NFXL1: variants seen among roughly 807,000 people sequenced by gnomAD.
The protein encoded by NFXL1 is NF-X1-type zinc finger protein NFXL1.
In NFXL1, 66 loss-of-function variants were observed where a neutral mutation model predicts 123.3. The ratio of observed to expected loss-of-function variants is 0.54; its 90% CI spans 0.44 to 0.66. The LOEUF (loss-of-function observed/expected upper bound fraction) is 0.66, where lower values mean the gene tolerates loss of function less well. Ranked by LOEUF, NFXL1 falls within the 30% of genes least tolerant of loss-of-function variation. The probability of loss-of-function intolerance (pLI) is 0.00; values close to 1 mark genes in which losing one functional copy is unlikely to be tolerated. For missense variants in NFXL1, 944 were observed against 1,125.6 expected (o/e 0.84, Z 2.31); for synonymous variants, 346 against 360.8 (o/e 0.96, Z 0.46).
At chr4:47,898,708 G>C (rs201707795) in intron 8 of NFXL1, 49 bp downstream of exon 8, 86 of 1,233,152 alleles carry the variant, frequency 7.0e-5, no homozygotes, top group Admixed American at 3.5e-4. Context: ...GGTTGTCTAT[G>C]CTTTCTGTAC....
intron 15 of NFXL1, among the ~76,000 whole-genome samples, chr4:47,882,584 G>A (rs1386560172): frequency 6.6e-6 from 1 of 152,200 alleles, no homozygotes; most frequent in Admixed American, 6.5e-5. Context: ...AAATGTTAAT[G>A]CGCTTTTTCT....
intron 4 of NFXL1, 36 bp downstream of exon 4, chr4:47,905,201 G>T: frequency 1.2e-6 from 1 of 825,838 alleles, no homozygotes; most frequent in Non-Finnish European, 2.0e-6. Context: ...GGTATTTTGG[G>T]GAGATACATT....
At chr4:47,868,267 C>G (rs1431277188) in intron 18 of NFXL1, among the ~76,000 whole-genome samples, 1 of 149,780 alleles carries the variant, frequency 6.7e-6, no homozygotes, top group Non-Finnish European at 1.5e-5. Flanking sequence ...TGCAGTGAGC[C>G]GAGATCGCAC....
At chr4:47,872,059 A>AT (rs1735471464) in intron 18 of NFXL1, among the ~76,000 whole-genome samples, 1 of 152,166 alleles carries the variant, frequency 6.6e-6, no homozygotes, top group Non-Finnish European at 1.5e-5. Flanking sequence ...AAAAACTGGC[A>AT]TTTTTTTAAA....
intron 22 of NFXL1, 67 bp downstream of exon 22, chr4:47,851,028 C>A (rs746226800): frequency 6.9e-6 from 8 of 1,165,730 alleles, no homozygotes; most frequent in Admixed American, 3.4e-5. Context: ...TTGGAATATA[C>A]CCCGTGTTTG....
chr4:47,910,282 G>C (rs144160415), intron 3 of NFXL1, among the ~76,000 whole-genome samples: 3 of 152,260 alleles, frequency 2.0e-5, no homozygotes, highest in African/African-American at 7.2e-5. Flanking sequence ...GTTGAAGACT[G>C]CAGTGAACTA....
chr4:47,856,397 T>C (rs1358107969), intron 19 of NFXL1, among the ~76,000 whole-genome samples: 1 of 152,128 alleles, frequency 6.6e-6, no homozygotes, highest in Non-Finnish European at 1.5e-5. Context: ...AATTTTTCAG[T>C]TTTACAATGG....
At chr4:47,857,951 C>T (rs776742544) in intron 19 of NFXL1, among the ~76,000 whole-genome samples, 15 of 152,166 alleles carry the variant, frequency 9.9e-5, no homozygotes, top group Non-Finnish European at 1.6e-4. Context: ...GTGAATTGCT[C>T]CCCAATGTCT....
At chr4:47,904,786 C>T (rs941309478) in intron 4 of NFXL1, among the ~76,000 whole-genome samples, 2 of 152,218 alleles carry the variant, frequency 1.3e-5, no homozygotes, top group African/African-American at 4.8e-5. Context: ...GTCTGAATCT[C>T]TCTCCCGACT....
chr4:47,871,350 CAAAA>C (rs373960425), intron 18 of NFXL1, among the ~76,000 whole-genome samples: 1 of 135,852 alleles, frequency 7.4e-6, no homozygotes. Context: ...GACTCCGTCT[CAAAA>C]AAAAAAAAAA....
At chr4:47,874,448 G>C (rs760732269) in intron 18 of NFXL1, among the ~76,000 whole-genome samples, 1 of 152,204 alleles carries the variant, frequency 6.6e-6, no homozygotes, top group African/African-American at 2.4e-5. Flanking sequence ...AGAAGAGGTA[G>C]AGAGATAGGG....
Position 47,913,993 on chromosome 4 carries a change from C to A in NFXL1, c.211G>T (p.Ala71Ser), listed in dbSNP as rs768536607. ...GSRHSPAGSQ[A>S]LQTTAASELM... ...CCGCTGGCTGCGGTAGTCTGCAGGGCTTGGGATCCTGCGGGGCTGTGCCTG... is the reference window on the plus strand; with the variant it reads ...CCGCTGGCTGCGGTAGTCTGCAGGGATTGGGATCCTGCGGGGCTGTGCCTG... The change falls in exon 2 of 23, where the codon GCC becomes TCC. Residue 71 changes from alanine (A) to serine (S), a missense_variant. Transcript: ENST00000507489. 1 of 1,547,918 alleles carries A rather than the reference C, an allele frequency of 6.5e-7. No individual in the cohort carries two copies. Among genetic ancestry groups the A allele is most frequent in the Non-Finnish European group, 8.7e-7 (1 of 1,146,614 alleles).
In NFXL1 at chr4:47,914,175, C is replaced by CAGGAT; in HGVS notation, c.28_29insATCCT (p.Gly10AspfsTer73). ...CCGTCCCCGGGATCGGCCTCGGCCA[C>CAGGAT]CGGCCACCTGGCGCCAGGAAGCTTC... On this transcript the variant is annotated frameshift_variant, in exon 2 of 23. Transcript: ENST00000507489. LOFTEE classifies it high-confidence loss of function. 6.6e-7 allele frequency: 1 copy of CAGGAT among 1,526,620 alleles called. No individual in the cohort carries two copies. Among genetic ancestry groups the CAGGAT allele is most frequent in the Non-Finnish European group, 8.8e-7 (1 of 1,134,560 alleles). 94.6% of individuals were successfully genotyped at this position (1,526,620 alleles called of 1,614,324 possible).
chr4:47,908,002 C>T (rs1737638626), intron 3 of NFXL1, among the ~76,000 whole-genome samples: 1 of 152,160 alleles, frequency 6.6e-6, no homozygotes, highest in Non-Finnish European at 1.5e-5. Context: ...ATGGTAAATT[C>T]CTTAGAAACC....
intron 3 of NFXL1, among the ~76,000 whole-genome samples, chr4:47,909,887 C>T (rs1737742225): frequency 1.3e-5 from 2 of 152,144 alleles, no homozygotes; most frequent in Non-Finnish European, 1.5e-5. Context: ...TCTCAAACTC[C>T]TGACCTCAAG....
Position 47,875,215 on chromosome 4 carries a change from G to A in NFXL1, c.2158C>T (p.Arg720Ter), listed in dbSNP as rs761535905. 1.7e-5 allele frequency: 27 copies of A among 1,612,412 alleles called. No homozygotes were observed. The highest frequency in any genetic ancestry group is 1.7e-4 in the Admixed American group (10 of 59,954). ...GGTGGACATTCTCCAGGGTGACATC[G>A]CAAAATACATGGGTGAAGACAACCT... ...PLGCLHPCIL[R>*]CHPGECPPCV... Residue 720 changes from arginine to a stop codon, truncating the protein, a stop_gained, in exon 18 of 23, where the codon CGA becomes TGA. Transcript: ENST00000507489. LOFTEE classifies it high-confidence loss of function.
At chr4:47,893,259 G>A (rs190661269) in intron 11 of NFXL1, among the ~76,000 whole-genome samples, 59 of 151,834 alleles carry the variant, frequency 3.9e-4, no homozygotes, top group African/African-American at 1.4e-3. Flanking sequence ...GTGACGGGTA[G>A]GGGAAAACAG....
chr4:47,898,656 G>T, intron 8 of NFXL1, 101 bp downstream of exon 8: 1 of 727,418 alleles, frequency 1.4e-6, no homozygotes. Flanking sequence ...ATTCTTCCTT[G>T]CCTTTTATCC....
chr4:47,891,213 G>A (rs1450519053), intron 11 of NFXL1, among the ~76,000 whole-genome samples: 1 of 150,260 alleles, frequency 6.7e-6, no homozygotes, highest in African/African-American at 2.4e-5. Flanking sequence ...CCAGGCTCAA[G>A]CCATCCTCAC....
Sources: gnomAD v4.1 joint callset for allele counts (sites outside exome capture counted in the v4.1 genomes callset) on GRCh38, gnomAD v4.1.1 for gene constraint, MANE v1.5 for transcripts, NCBI Gene and HGNC (gene_info 2026-07-23, HGNC 2026-07-21) for gene names.